CREB5: variants seen among roughly 807,000 people sequenced by gnomAD.
CREB5 encodes cAMP responsive element binding protein 5.
CREB5 carries 19 observed loss-of-function variants against 57.1 expected under a neutral mutation model. The ratio of observed to expected loss-of-function variants is 0.33; its 90% CI spans 0.23 to 0.49. The LOEUF is 0.49. CREB5 is among the 20% of genes least tolerant of loss of function. The pLI is 0.99. For synonymous variants in CREB5, 238 were observed against 238.3 expected, an observed-to-expected ratio of 1.00 and a Z score of 0.01; for missense variants, 579 against 671.6, an observed-to-expected ratio of 0.86 and a Z score of 1.52.
rs1321510790 is a variant in CREB5 at position 28,551,883 on chromosome 7, TTTTC to T, written c.292-18468_292-18465del. Among the ~76,000 whole-genome samples the T allele has an allele frequency of 1.3e-3, 203 of 151,074 alleles. 2 individuals carry two copies. Among genetic ancestry groups the T allele is most frequent in the Middle Eastern group, 3.4e-3 (1 of 294 alleles). On this transcript the variant is annotated intron_variant, in intron 4 of 10. Transcript: ENST00000357727. Reference sequence around the variant, plus strand: ...TTCTTTCTTTCTTTTTCTTTCTTTCTTTTCTTTCTTTCTTTCTCTTTTCTTTTCT... The same window carrying T: ...TTCTTTCTTTCTTTTTCTTTCTTTCTTTTCTTTCTTTCTCTTTTCTTTTCT...
At chr7:28,737,943 A>C (rs1804121658) in intron 7 of CREB5, among the ~76,000 whole-genome samples, 1 of 152,200 alleles carries the variant, frequency 6.6e-6, no homozygotes, top group Non-Finnish European at 1.5e-5. Flanking sequence ...TTATTTTAGA[A>C]AACAGAGCTC....
chr7:28,465,065 T>C (rs1490169042), intron 1 of CREB5, among the ~76,000 whole-genome samples: 2 of 152,152 alleles, frequency 1.3e-5, no homozygotes, highest in African/African-American at 2.4e-5. Context: ...GAAAAGAAAA[T>C]TTGAGGGTGC....
intron 5 of CREB5, among the ~76,000 whole-genome samples, chr7:28,689,154 A>G (rs1345235380): frequency 6.6e-6 from 1 of 152,162 alleles, no homozygotes; most frequent in African/African-American, 2.4e-5. Context: ...TATTCAGATA[A>G]GTATACATTT....
intron 5 of CREB5, among the ~76,000 whole-genome samples, chr7:28,714,691 A>T (rs1802581151): frequency 6.6e-6 from 1 of 152,274 alleles, no homozygotes; most frequent in Admixed American, 6.5e-5. Context: ...TAATTGAAAG[A>T]AAAGCTTACA....
At chr7:28,521,176 A>AT in intron 4 of CREB5, among the ~76,000 whole-genome samples, 1 of 101,030 alleles carries the variant, frequency 9.9e-6, no homozygotes, top group African/African-American at 2.7e-5. Context: ...ACGTGTGTAT[A>AT]AGTGTGTGTG....
intron 5 of CREB5, among the ~76,000 whole-genome samples, chr7:28,602,317 G>C (rs1252191955): frequency 6.6e-6 from 1 of 152,086 alleles, no homozygotes; most frequent in African/African-American, 2.4e-5. Flanking sequence ...AGTAGAGCCA[G>C]GGTTTCGCCA....
At chr7:28,624,648 C>T (rs1051659104) in intron 5 of CREB5, among the ~76,000 whole-genome samples, 1 of 143,056 alleles carries the variant, frequency 7.0e-6, no homozygotes, top group South Asian at 2.2e-4. Context: ...AATTGTACTT[C>T]GTTTTTCCTT....
intron 7 of CREB5, chr7:28,749,434 C>T (rs552646442): frequency 6.0e-4 from 92 of 152,306 alleles, no homozygotes; most frequent in African/African-American, 2.1e-3. Context: ...CTGCTGCAAA[C>T]CCATTGAGTG....
chr7:28,395,378 G>A (rs1029403486), intron 1 of CREB5, among the ~76,000 whole-genome samples: 1 of 152,124 alleles, frequency 6.6e-6, no homozygotes, highest in Non-Finnish European at 1.5e-5. Context: ...ATTTACAGTA[G>A]GTGAAGATGA....
chr7:28,797,159 T>G (rs866545111), intron 7 of CREB5, among the ~76,000 whole-genome samples: 1 of 152,208 alleles, frequency 6.6e-6, no homozygotes, highest in Admixed American at 6.5e-5. Context: ...GGGGTTTGGC[T>G]TTTTAGACAT....
rs13437799 is a variant in CREB5, at chr7:28,460,443, C to A, written c.4-27732C>A. Among the ~76,000 whole-genome samples the A allele has an allele frequency of 7.9e-3, 1,204 of 152,278 alleles. 15 individuals carry two copies. Among genetic ancestry groups the A allele is most frequent in the African/African-American group, 0.027 (1,125 of 41,542 alleles). ...GAGGCACAAAGAGACGAAGCATAGA[C>A]CCCTGATTATATACCTGGTAACTGG... On this transcript the variant is annotated intron_variant, in intron 1 of 10. Transcript: ENST00000357727.
intron 1 of CREB5, among the ~76,000 whole-genome samples, chr7:28,463,174 A>G (rs1456757322): frequency 1.3e-5 from 2 of 152,030 alleles, no homozygotes; most frequent in African/African-American, 4.8e-5. Context: ...GGCATCATTT[A>G]TTGAAAAGAT....
At chr7:28,576,388 G>A (rs1251185295) in intron 5 of CREB5, among the ~76,000 whole-genome samples, 1 of 152,180 alleles carries the variant, frequency 6.6e-6, no homozygotes, top group African/African-American at 2.4e-5. Flanking sequence ...AAGAAGAAAA[G>A]TAACTTGTCC....
At chr7:28,684,663 T>G (rs1583542285) in intron 5 of CREB5, among the ~76,000 whole-genome samples, 1 of 152,208 alleles carries the variant, frequency 6.6e-6, no homozygotes, top group East Asian at 1.9e-4. Context: ...AATGTTTGTC[T>G]TATCTACCTG....
chr7:28,336,802 T>A (rs972144766), intron 1 of CREB5, among the ~76,000 whole-genome samples: 48 of 152,138 alleles, frequency 3.2e-4, no homozygotes, highest in Admixed American at 5.2e-4. Flanking sequence ...CTTAGAAGTT[T>A]TTTTTTTACT....
At chr7:28,803,951 T>A (rs1485888213) in intron 7 of CREB5, among the ~76,000 whole-genome samples, 2 of 152,130 alleles carry the variant, frequency 1.3e-5, no homozygotes, top group Admixed American at 1.3e-4. Flanking sequence ...ATCCTGCCCA[T>A]TGGCTTTGAC....
At chr7:28,356,015 G>A (rs746930992) in intron 1 of CREB5, among the ~76,000 whole-genome samples, 6 of 152,204 alleles carry the variant, frequency 3.9e-5, no homozygotes, top group Non-Finnish European at 7.3e-5. Context: ...GTTCCACTGA[G>A]TGACACTAAT....
chr7:28,370,332 T>G (rs1432213373), intron 1 of CREB5, among the ~76,000 whole-genome samples: 2 of 152,218 alleles, frequency 1.3e-5, no homozygotes, highest in Non-Finnish European at 2.9e-5. Context: ...CTGCCTCATT[T>G]TGTCATTTGT....
chr7:28,636,938 G>A (rs562054555), intron 5 of CREB5, among the ~76,000 whole-genome samples: 1 of 152,256 alleles, frequency 6.6e-6, no homozygotes, highest in South Asian at 2.1e-4. Context: ...CAGGTTGCTT[G>A]AGCCCAGGAG....
Sources: gnomAD v4.1 joint callset for allele counts (sites outside exome capture counted in the v4.1 genomes callset) on GRCh38, gnomAD v4.1.1 for gene constraint, MANE v1.5 for transcripts, NCBI Gene and HGNC (gene_info 2026-07-23, HGNC 2026-07-21) for gene names.